The following HEATR5A variants were observed in gnomAD, a reference collection of about 807,000 sequenced individuals.
The protein encoded by HEATR5A is HEAT repeat-containing protein 5A.
HEATR5A carries 178 observed loss-of-function variants against 218.8 expected under a neutral mutation model. The observed-to-expected ratio is 0.81, with a 90% CI of 0.72 to 0.92. HEATR5A has a LOEUF of 0.92. Ranked by LOEUF, HEATR5A falls within the 40% of genes least tolerant of loss-of-function variation. The probability of loss-of-function intolerance (pLI) is 0.00; values close to 1 mark genes in which losing one functional copy is unlikely to be tolerated. For synonymous variants in HEATR5A, 864 were observed against 871.6 expected (o/e 0.99, Z 0.15); for missense variants, 2,420 against 2,418.9 (o/e 1.00, Z -0.01).
At chr14:31,324,968 C>T (rs1900218105) in intron 23 of HEATR5A, among the ~76,000 whole-genome samples, 1 of 152,154 alleles carries the variant, frequency 6.6e-6, no homozygotes, top group Non-Finnish European at 1.5e-5. Flanking sequence ...TCCTATCACA[C>T]AATTCAGACA....
At chr14:31,400,721 C>T (rs913732314) in intron 2 of HEATR5A, among the ~76,000 whole-genome samples, 1 of 152,054 alleles carries the variant, frequency 6.6e-6, no homozygotes, top group African/African-American at 2.4e-5. Flanking sequence ...ATAAAAAAGC[C>T]CTCCAAAAAT....
chr14:31,334,607 T>G (rs1289215001), intron 22 of HEATR5A, among the ~76,000 whole-genome samples: 2 of 152,212 alleles, frequency 1.3e-5, no homozygotes, highest in African/African-American at 2.4e-5. Flanking sequence ...TAATCTTTCA[T>G]GAAAGGAAGT....
intron 27 of HEATR5A, among the ~76,000 whole-genome samples, chr14:31,313,989 C>T (rs974030992): frequency 5.3e-5 from 8 of 152,110 alleles, no homozygotes; most frequent in South Asian, 4.1e-4. Flanking sequence ...ACCCTGTCAC[C>T]CAGGCTGGAG....
chr14:31,387,207 T>C lies in HEATR5A; in HGVS notation c.1102A>G (p.Thr368Ala). The C allele has an allele frequency of 6.2e-7, 1 of 1,613,878 alleles. No individual in the cohort carries two copies. The highest frequency in any genetic ancestry group is 8.5e-7 in the Non-Finnish European group (1 of 1,179,844). Residue 368 changes from threonine to alanine, a missense_variant, in exon 8 of 36, where the codon ACT becomes GCT. By Grantham distance (58) the Thr-to-Ala change is moderately conservative (BLOSUM62 0). Transcript: ENST00000543095. The part of the protein sequence containing the change: ...RRCVSFILRT[T>A]IGGLLGEKAQ... ...TTTTCTCCAAGAAGACCACCTATAG[T>C]AGTTCGAAGAATAAATGAAACACAA...
rs191897405 is a variant in HEATR5A, at chr14:31,317,055, T to C, written c.4039-1106A>G. ...GTGTATTTGTTTAGTTCTTGTCTCA[T>C]CTCACAAAATATTTCAAGTGGCTTA... On this transcript the variant is annotated intron_variant, in intron 26 of 35. Transcript: ENST00000543095. Among the ~76,000 whole-genome samples the C allele has an allele frequency of 2.4e-3, 361 of 152,214 alleles. 1 individual carries two copies. Among genetic ancestry groups the C allele is most frequent in the African/African-American group, 8.3e-3 (344 of 41,536 alleles).
chr14:31,408,696 A>G (rs1454573698), intron 1 of HEATR5A, among the ~76,000 whole-genome samples: 1 of 151,692 alleles, frequency 6.6e-6, no homozygotes, highest in African/African-American at 2.4e-5. Context: ...TTTCCTTTCG[A>G]TTGGCTCTGT....
At chr14:31,383,818 C>A in intron 9 of HEATR5A, 47 bp from the exon 10 acceptor site, 1 of 1,518,120 alleles carries the variant, frequency 6.6e-7, no homozygotes, top group Non-Finnish European at 8.9e-7. Flanking sequence ...ATAAAACTCA[C>A]CTGACCATAA....
rs776832709 is a variant in HEATR5A, at chr14:31,345,130, G to T, written c.3015C>A (p.Arg1005=). 17 of 1,613,898 alleles carry T rather than the reference G, an allele frequency of 1.1e-5. No homozygotes were observed. In the Admixed American group the frequency reaches 2.8e-4, roughly 27 times the overall value. Residue 1005 remains arginine (R), a synonymous_variant, in exon 20 of 36, where the codon CGC becomes CGA. Transcript: ENST00000543095. ...THAEVHQSLG[R]CLNALITTLG... ...ACGTGGTAATAAGGGCATTCAAACA[G>T]CGACCAAGGCTTTGGTGAACTTCAG...
intron 26 of HEATR5A, among the ~76,000 whole-genome samples, chr14:31,317,661 G>A (rs1247181633): frequency 2.0e-5 from 3 of 152,138 alleles, no homozygotes; most frequent in African/African-American, 7.2e-5. Context: ...ATTGTATATT[G>A]TATGGCTCTT....
intron 16 of HEATR5A, among the ~76,000 whole-genome samples, chr14:31,354,900 G>A (rs1339934725): frequency 6.6e-6 from 1 of 152,154 alleles, no homozygotes; most frequent in African/African-American, 2.4e-5. Flanking sequence ...CCATTCCCAA[G>A]TGACATCATT....
At chr14:31,320,469 T>G (rs1595093513) in intron 25 of HEATR5A, 1 of 1,363,096 alleles carries the variant, frequency 7.3e-7, no homozygotes. Context: ...ACAACACTGG[T>G]CTGGAACTCC....
intron 10 of HEATR5A, among the ~76,000 whole-genome samples, chr14:31,382,196 G>T (rs1483042553): frequency 6.6e-6 from 1 of 152,162 alleles, no homozygotes. Context: ...TAAATACATT[G>T]AATGACAAGT....
At chr14:31,400,103 C>T (rs1305913940) in intron 3 of HEATR5A, among the ~76,000 whole-genome samples, 198 bp downstream of exon 3, 4 of 152,122 alleles carry the variant, frequency 2.6e-5, no homozygotes, top group Non-Finnish European at 4.4e-5. Flanking sequence ...ACTTCAAATA[C>T]GTCTAAAGTA....
intron 28 of HEATR5A, among the ~76,000 whole-genome samples, chr14:31,312,244 G>A (rs898699652): frequency 6.6e-6 from 1 of 152,006 alleles, no homozygotes; most frequent in African/African-American, 2.4e-5. Flanking sequence ...AATAGCAGAT[G>A]GGCAAAGATT....
chr14:31,403,167 G>A (rs2030939157), intron 1 of HEATR5A, 118 bp from the exon 2 acceptor site: 1 of 510,736 alleles, frequency 2.0e-6, no homozygotes. Flanking sequence ...ATGCTCTAGG[G>A]TGAATCTGGG....
At chr14:31,320,271 C>G in intron 25 of HEATR5A, 1 of 710,912 alleles carries the variant, frequency 1.4e-6, no homozygotes, top group Non-Finnish European at 2.6e-6. Flanking sequence ...CAGAAGAGCC[C>G]CATGGCCTCA....
At chr14:31,338,722 A>G (rs1207741359) in intron 21 of HEATR5A, among the ~76,000 whole-genome samples, 1 of 152,200 alleles carries the variant, frequency 6.6e-6, no homozygotes, top group Non-Finnish European at 1.5e-5. Context: ...TAGATTTGGC[A>G]TATGTGGGAA....
chr14:31,393,478 T>C (rs1268896260), intron 6 of HEATR5A, among the ~76,000 whole-genome samples: 2 of 152,154 alleles, frequency 1.3e-5, no homozygotes, highest in African/African-American at 4.8e-5. Context: ...ACCACTGCTC[T>C]CCAGACTGGG....
chr14:31,382,591 G>A (rs933211436), intron 10 of HEATR5A, among the ~76,000 whole-genome samples: 3 of 151,666 alleles, frequency 2.0e-5, no homozygotes, highest in Non-Finnish European at 4.4e-5. Flanking sequence ...TATTATCTAG[G>A]TTTCATTAAA....
Sources: gnomAD v4.1 joint callset for allele counts (sites outside exome capture counted in the v4.1 genomes callset) on GRCh38, gnomAD v4.1.1 for gene constraint, MANE v1.5 for transcripts, NCBI Gene and HGNC (gene_info 2026-07-23, HGNC 2026-07-21) for gene names.